Variants in GABRR2 observed in about 807,000 individuals in gnomAD.
GABRR2 encodes gamma-aminobutyric acid type A receptor subunit rho2, also known as gamma-aminobutyric acid receptor subunit rho-2.
GABRR2 carries 36 observed loss-of-function variants against 47.0 expected under a neutral mutation model. The ratio of observed to expected loss-of-function variants is 0.77; its 90% CI spans 0.59 to 1.01. The LOEUF (loss-of-function observed/expected upper bound fraction) is 1.01, where lower values mean the gene tolerates loss of function less well. GABRR2 is among the 50% of genes least tolerant of loss of function. GABRR2 has a pLI of 0.00. For missense variants in GABRR2, 587 were observed against 594.6 expected (o/e 0.99, Z 0.13); for synonymous variants, 204 against 227.5 (o/e 0.90, Z 0.93).
chr6:89,258,735 A>G (rs1327494654), intron 8 of GABRR2, among the ~76,000 whole-genome samples: 5 of 150,380 alleles, frequency 3.3e-5, no homozygotes, highest in Non-Finnish European at 7.4e-5. Context: ...TTTTAAAAAA[A>G]AAAGAAAGAA....
intron 2 of GABRR2, among the ~76,000 whole-genome samples, chr6:89,278,498 G>A (rs1416794218): frequency 1.3e-5 from 2 of 152,236 alleles, no homozygotes; most frequent in Non-Finnish European, 2.9e-5. Flanking sequence ...TTTGGAAACA[G>A]TGACTTAAAA....
intron 1 of GABRR2, among the ~76,000 whole-genome samples, chr6:89,300,745 C>CAAAAA (rs56360515): frequency 3.7e-4 from 28 of 76,320 alleles, no homozygotes; most frequent in Admixed American, 6.8e-4. Context: ...GCGTACCAAC[C>CAAAAA]AAAAAAAAAA....
chr6:89,280,458 G>C (rs545074179), intron 2 of GABRR2, among the ~76,000 whole-genome samples: 1 of 151,860 alleles, frequency 6.6e-6, no homozygotes, highest in Non-Finnish European at 1.5e-5. Flanking sequence ...CTTAGCACTG[G>C]TGTCTATGTC....
chr6:89,310,581 C>T lies in GABRR2; in HGVS notation c.113+4472G>A, dbSNP rs566466401. Among the ~76,000 whole-genome samples the T allele has an allele frequency of 2.6e-5, 4 of 152,268 alleles. No homozygotes were observed. In the East Asian group the frequency reaches 7.7e-4, roughly 29 times the overall value. ...ACATGCTGATGTTCTTAAATCCCTA[C>T]CCTCTACTCTCAACCTTTATATCTG... On this transcript the variant is annotated intron_variant, in intron 1 of 8. Transcript: ENST00000402938.
chr6:89,257,694 T>G lies in GABRR2; in HGVS notation c.1374A>C (p.Leu458Phe). ...CCTAGGAAAACACTGACCAATAAAT[T>G]AAGTTGAAAAATATGTAGGAGGCAG... ...IFPASYIFFNLIYWSVFS is the reference protein window; with the variant it reads ...IFPASYIFFNFIYWSVFS Residue 458 changes from leucine (L) to phenylalanine (F), a missense_variant, in exon 9 of 9, where the codon TTA (leucine) becomes TTC (phenylalanine). By Grantham distance (22) the Leu-to-Phe change is conservative. Coordinates refer to ENST00000402938, the MANE Select transcript of GABRR2 (RefSeq NM_002043.5). 1 of 1,613,128 alleles carries G rather than the reference T, an allele frequency of 6.2e-7. No individual in the cohort carries two copies.
rs533012197 is a variant in GABRR2, at chr6:89,310,489, C to T, written c.113+4564G>A. ...TGTCAGTGTCCCCAGGACCTTGTCC[C>T]AGCCATCTTCTCTCTCTACCCTCTC... is the stretch of plus-strand genomic sequence containing the variant. On this transcript the variant is annotated intron_variant, in intron 1 of 8. Transcript: ENST00000402938. Among the ~76,000 whole-genome samples the T allele has an allele frequency of 3.3e-5, 5 of 152,286 alleles. No homozygotes were observed. The South Asian group carries it at 8.3e-4, about 25-fold the overall frequency.
intron 1 of GABRR2, among the ~76,000 whole-genome samples, chr6:89,311,328 G>A (rs757389827): frequency 1.6e-4 from 25 of 152,160 alleles, no homozygotes; most frequent in Non-Finnish European, 2.4e-4. Context: ...TTAGGAGAGC[G>A]GAAGTCCCAG....
chr6:89,270,980 G>T (rs1582443128), intron 3 of GABRR2, among the ~76,000 whole-genome samples: 1 of 152,332 alleles, frequency 6.6e-6, no homozygotes, highest in South Asian at 2.1e-4. Context: ...AGATCAGGAG[G>T]TCAGGGAAGC....
chr6:89,276,625 C>G (rs1254369651), intron 2 of GABRR2, among the ~76,000 whole-genome samples: 2 of 152,006 alleles, frequency 1.3e-5, no homozygotes, highest in African/African-American at 4.8e-5. Context: ...GATGCCACTA[C>G]CATTGTCCTA....
intron 2 of GABRR2, among the ~76,000 whole-genome samples, chr6:89,279,883 T>C (rs1046029948): frequency 2.0e-5 from 3 of 152,156 alleles, no homozygotes; most frequent in Admixed American, 2.0e-4. Flanking sequence ...GTAAAGCCCA[T>C]GGAAAGGTTT....
Position 89,264,736 on chromosome 6 carries a change from C to T in GABRR2, c.890-128G>A, listed in dbSNP as rs768468886. On this transcript the variant is annotated intron_variant, in intron 7 of 8. Coordinates refer to ENST00000402938, the MANE Select transcript of GABRR2 (RefSeq NM_002043.5). ...GAAAGTCCCAGGTGTGTTTCCACCT[C>T]GGAGAGGGGCAAGGATCTGCCCTAC... is the stretch of plus-strand genomic sequence containing the variant. 44 of 1,195,826 alleles carry T rather than the reference C, an allele frequency of 3.7e-5. No individual in the cohort carries two copies. The South Asian group carries it at 4.8e-4, about 13-fold the overall frequency. 74.1% of individuals were successfully genotyped at this position (1,195,826 alleles called of 1,614,324 possible).
At chr6:89,306,791 A>G (rs1330379874) in intron 1 of GABRR2, among the ~76,000 whole-genome samples, 1 of 152,344 alleles carries the variant, frequency 6.6e-6, no homozygotes, top group African/African-American at 2.4e-5. Context: ...AACAAAAAAA[A>G]AGAGAGAGAA....
intron 4 of GABRR2, 21 bp from the exon 5 acceptor site, chr6:89,268,117 T>C: frequency 6.3e-7 from 1 of 1,583,294 alleles, no homozygotes; most frequent in Non-Finnish European, 8.6e-7. Flanking sequence ...CAGAGTCACA[T>C]ATTGGCTTGT....
At chr6:89,294,612 C>T (rs978920506) in intron 2 of GABRR2, among the ~76,000 whole-genome samples, 4 of 150,838 alleles carry the variant, frequency 2.7e-5, no homozygotes, top group Non-Finnish European at 5.9e-5. Flanking sequence ...TAGGCTGAGC[C>T]GGCACTTTGG....
At chr6:89,264,632 G>T in intron 7 of GABRR2, 24 bp from the exon 8 acceptor site, 23 of 1,612,630 alleles carry the variant, frequency 1.4e-5, no homozygotes, top group Non-Finnish European at 2.0e-5. Flanking sequence ...CCTTAGTTGG[G>T]CTGCTGACAG....
chr6:89,301,955 A>G (rs1487087934), intron 1 of GABRR2: 12 of 908,160 alleles, frequency 1.3e-5, no homozygotes, highest in South Asian at 2.7e-5. Context: ...TCTTCTCATA[A>G]GTATGTGCCT....
chr6:89,256,644 G>C lies in GABRR2; in HGVS notation c.*1026C>G, dbSNP rs1467229671. Among the ~76,000 whole-genome samples, 1 of 152,138 alleles carries C rather than the reference G, an allele frequency of 6.6e-6. No individual in the cohort carries two copies. Among genetic ancestry groups the C allele is most frequent in the Non-Finnish European group, 1.5e-5 (1 of 68,024 alleles). On this transcript the variant is annotated 3_prime_UTR_variant, in exon 9 of 9. Coordinates refer to ENST00000402938, the MANE Select transcript of GABRR2 (RefSeq NM_002043.5). Reference sequence around the variant, plus strand: ...AATGTGATTTATGATAGGTGCCCTGGACCTCAAGGTACCAGCTTAACCTCT... The same window carrying C: ...AATGTGATTTATGATAGGTGCCCTGCACCTCAAGGTACCAGCTTAACCTCT...
At chr6:89,267,364 G>A (rs1036230172) in intron 6 of GABRR2, among the ~76,000 whole-genome samples, 7 of 152,070 alleles carry the variant, frequency 4.6e-5, no homozygotes, top group Admixed American at 1.3e-4. Flanking sequence ...CCAGGAGTTC[G>A]AGACCAGCTT....
In GABRR2 at chr6:89,313,020, G is replaced by T. The variant is rs1193393922; in HGVS notation, c.113+2033C>A. ...CGCCAAGCCCAGGCTGCTGAGTGGG[G>T]TCCCTGGGCACCCCAAGGGACTTGT... On this transcript the variant is annotated intron_variant, in intron 1 of 8. Coordinates refer to ENST00000402938, the MANE Select transcript of GABRR2 (RefSeq NM_002043.5). Among the ~76,000 whole-genome samples the T allele has an allele frequency of 2.0e-5, 3 of 152,250 alleles. No homozygotes were observed. The East Asian group carries it at 5.8e-4, about 29-fold the overall frequency.
Sources: gnomAD v4.1 joint callset for allele counts (sites outside exome capture counted in the v4.1 genomes callset) on GRCh38, gnomAD v4.1.1 for gene constraint, MANE v1.5 for transcripts, NCBI Gene and HGNC (gene_info 2026-07-23, HGNC 2026-07-21) for gene names.